Variants in M6PR observed in about 807,000 individuals in gnomAD.
The protein encoded by M6PR is mannose-6-phosphate receptor, cation dependent.
M6PR carries 19 observed loss-of-function variants against 33.1 expected under a neutral mutation model. That is an observed-to-expected ratio of 0.57 (90% CI 0.40 to 0.84). The LOEUF (loss-of-function observed/expected upper bound fraction) is 0.84, where lower values mean the gene tolerates loss of function less well. Among genes scored for constraint, M6PR ranks in the 40% least tolerant of loss-of-function variants. The pLI is 0.00. For missense variants in M6PR, 295 were observed against 336.0 expected (o/e 0.88, Z 0.95); for synonymous variants, 111 against 123.4 (o/e 0.90, Z 0.67).
chr12:8,944,029 C>T lies in M6PR; in HGVS notation c.344-119G>A, dbSNP rs937958007. 4.3e-6 allele frequency: 3 copies of T among 702,630 alleles called. No individual in the cohort carries two copies. The African/African-American group carries it at 5.2e-5, about 12-fold the overall frequency. 43.5% of individuals were successfully genotyped at this position (702,630 alleles called of 1,614,324 possible). ...CAATTGGTTATAACTAAACAACCCTCATCAGTACGAACTTGGTATACCAGA... is the reference window on the plus strand; with the variant it reads ...CAATTGGTTATAACTAAACAACCCTTATCAGTACGAACTTGGTATACCAGA... On this transcript the variant is annotated intron_variant, in intron 3 of 6. Coordinates refer to ENST00000000412, the MANE Select transcript of M6PR (RefSeq NM_002355.4).
In M6PR at chr12:8,946,399, G is replaced by C. The variant is rs763470756; in HGVS notation, c.6C>G (p.Phe2Leu). 1.2e-6 allele frequency: 2 copies of C among 1,613,934 alleles called. No homozygotes were observed. Among genetic ancestry groups the C allele is most frequent in the Non-Finnish European group, 1.7e-6 (2 of 1,179,852 alleles). M[F>L]PFYSCWRTGL... ...CAGTCCTCCAGCAGCTGTAGAAAGG[G>C]AACATCCTTTGGGAGAGAGTGTGTG... Residue 2 changes from phenylalanine (F) to leucine (L), a missense_variant, in exon 2 of 7, where the codon TTC becomes TTG. Transcript: ENST00000000412.
chr12:8,941,963 G>A (rs1249874569), intron 6 of M6PR, 23 bp from the exon 7 acceptor site: 1 of 1,613,452 alleles, frequency 6.2e-7, no homozygotes, highest in South Asian at 1.1e-5. Flanking sequence ...AAAAAAGAAG[G>A]AAATAATTCG....
At position 8,946,240 on chromosome 12, in the gene M6PR, C is replaced by T; in HGVS notation, c.165G>A (p.Leu55=). The change falls in exon 2 of 7, where the codon CTG becomes CTA. Residue 55 remains leucine (L), a synonymous_variant. Coordinates refer to ENST00000000412, the MANE Select transcript of M6PR (RefSeq NM_002355.4). ...TTCTTCTCATTTACCTTTTATTAAA[C>T]AGTGGTTTCAGCCTCTTCACTAGAG... is the stretch of plus-strand genomic sequence containing the variant. The part of the protein sequence containing the change: ...ELALVKRLKP[L]FNKSFESTVG... 6.2e-7 allele frequency: 1 copy of T among 1,613,830 alleles called. No homozygotes were observed. The highest frequency in any genetic ancestry group is 8.5e-7 in the Non-Finnish European group (1 of 1,179,856).
Position 8,943,508 on chromosome 12 carries a change from G to A in M6PR, c.481C>T (p.Arg161Cys), listed in dbSNP as rs1447967934. ...ADNFNPVSEE[R>C]GKVQDCFYLF... ...TAGAAACAATCTTGGACTTTGCCAC[G>A]CTCCTCAGACACAGGGTTAAAATTG... Residue 161 changes from arginine to cysteine, a missense_variant, in exon 5 of 7, where the codon CGT becomes TGT. By Grantham distance (180) the Arg-to-Cys change is radical. Transcript: ENST00000000412. 48 of 1,614,008 alleles carry A rather than the reference G, an allele frequency of 3.0e-5. No individual in the cohort carries two copies. The highest frequency in any genetic ancestry group is 3.9e-5 in the Non-Finnish European group (46 of 1,179,998).
intron 6 of M6PR, 109 bp from the exon 7 acceptor site, chr12:8,942,049 T>A: frequency 4.1e-6 from 5 of 1,223,608 alleles, no homozygotes; most frequent in Non-Finnish European, 5.8e-6. Context: ...TCTATAGGGA[T>A]AATGAGAAAA....
rs1805764 is a variant in M6PR, at chr12:8,942,805, A to C, written c.585-263T>G. ...AAGAATAATCACCATTAAGTATATG[A>C]TTCCATTTCTCTAGAAGTTCTCATA... On this transcript the variant is annotated intron_variant, in intron 5 of 6. Transcript: ENST00000000412. Among the ~76,000 whole-genome samples the C allele has an allele frequency of 1.0e-2, 1,519 of 152,308 alleles. 24 individuals carry two copies. Among genetic ancestry groups the C allele is most frequent in the African/African-American group, 0.034 (1,415 of 41,566 alleles).
Position 8,942,407 on chromosome 12 carries a change from GTTAC to G in M6PR, c.711+5_711+8del, listed in dbSNP as rs1946028799. 6.2e-7 allele frequency: 1 copy of G among 1,614,142 alleles called. No homozygotes were observed. The highest frequency in any genetic ancestry group is 8.5e-7 in the Non-Finnish European group (1 of 1,180,012). On this transcript the variant is annotated splice_donor_5th_base_variant and intron_variant, in intron 6 of 6. Coordinates refer to ENST00000000412, the MANE Select transcript of M6PR (RefSeq NM_002355.4). ...GGCTACAAATTCAACCAGCTGCCCT[GTTAC>G]TTACTGCTACCAGGTTGCCAAGATC... is the stretch of plus-strand genomic sequence containing the variant.
chr12:8,943,317 C>T (rs111761709), intron 5 of M6PR, 88 bp downstream of exon 5: 10 of 1,384,518 alleles, frequency 7.2e-6, no homozygotes, highest in African/African-American at 1.5e-5. Flanking sequence ...TGTACACATA[C>T]AATTTGTGCT....
At chr12:8,942,253 A>T in intron 6 of M6PR, 163 bp downstream of exon 6, 1 of 876,124 alleles carries the variant, frequency 1.1e-6, no homozygotes, top group Non-Finnish European at 1.7e-6. Context: ...TGTGCCACTT[A>T]CTACTCTGTA....
In M6PR at chr12:8,941,495, C is replaced by T. The variant is rs902406530; in HGVS notation, c.*323G>A. On this transcript the variant is annotated 3_prime_UTR_variant, in exon 7 of 7. Transcript: ENST00000000412. ...TGTGAAAATGTGTTTAAAAAACAAA[C>T]GGCCAGTGAGCCTGCTACACCATTT... 6 of 218,376 alleles carry T rather than the reference C, an allele frequency of 2.7e-5. No homozygotes were observed. Among genetic ancestry groups the T allele is most frequent in the Non-Finnish European group, 4.5e-5 (5 of 110,832 alleles). 13.5% of individuals were successfully genotyped at this position (218,376 alleles called of 1,614,324 possible).
At chr12:8,946,531 C>T (rs1946097413) in intron 1 of M6PR, 126 bp from the exon 2 acceptor site, 2 of 687,860 alleles carry the variant, frequency 2.9e-6, no homozygotes, top group South Asian at 2.0e-5. Flanking sequence ...GATTCTCTGG[C>T]ATATGCAACA....
At position 8,941,934 on chromosome 12, in the gene M6PR, A is replaced by T. The variant is rs1162187905; in HGVS notation, c.718T>A (p.Cys240Ser). ...QDLGNLVADG[C>S]DFVCRSKPRN... Reference sequence around the variant, plus strand: ...GGTTTAGAACGGCAGACAAAGTCACAGCCATCCTGTAGGGGGAAAAAAAAG... The same window carrying T: ...GGTTTAGAACGGCAGACAAAGTCACTGCCATCCTGTAGGGGGAAAAAAAAG... The change falls in exon 7 of 7, where the codon TGT (cysteine) becomes AGT (serine). Residue 240 changes from cysteine (C) to serine (S), a missense_variant. Coordinates refer to ENST00000000412, the MANE Select transcript of M6PR (RefSeq NM_002355.4). 11 of 1,614,210 alleles carry T rather than the reference A, an allele frequency of 6.8e-6. No homozygotes were observed. The highest frequency in any genetic ancestry group is 9.3e-6 in the Non-Finnish European group (11 of 1,180,008).
At chr12:8,948,887 A>G (rs1946146925) in intron 1 of M6PR, among the ~76,000 whole-genome samples, 1 of 152,182 alleles carries the variant, frequency 6.6e-6, no homozygotes. Context: ...AGCAGCCTAC[A>G]TGTTTAGAAA....
rs1211640059 is a variant in M6PR at position 8,941,809 on chromosome 12, A to T, written c.*9T>A. 1 of 1,614,072 alleles carries T rather than the reference A, an allele frequency of 6.2e-7. No homozygotes were observed. The highest frequency in any genetic ancestry group is 1.1e-5 in the South Asian group (1 of 91,070). ...GACTGAGGAAGAGGCTGGACATATA[A>T]AGTGCAATCTACATTGGTAATAAAT... On this transcript the variant is annotated 3_prime_UTR_variant, in exon 7 of 7. Coordinates refer to ENST00000000412, the MANE Select transcript of M6PR (RefSeq NM_002355.4).
In M6PR at chr12:8,944,019, AAAC is replaced by A. The variant is rs1464356203; in HGVS notation, c.344-112_344-110del. 3.8e-5 allele frequency: 28 copies of A among 745,992 alleles called. No individual in the cohort carries two copies. The African/African-American group carries it at 4.1e-4, about 11-fold the overall frequency. The allele number at this position is 745,992 out of a possible 1,614,324, so 46.2% of individuals were successfully genotyped here. ...TAATTCATTGCAATTGGTTATAACT[AAAC>A]AACCCTCATCAGTACGAACTTGGTA... is the stretch of plus-strand genomic sequence containing the variant. On this transcript the variant is annotated intron_variant, in intron 3 of 6. Coordinates refer to ENST00000000412, the MANE Select transcript of M6PR (RefSeq NM_002355.4).
chr12:8,943,218 C>G, intron 5 of M6PR, 187 bp downstream of exon 5: 4 of 712,426 alleles, frequency 5.6e-6, no homozygotes, highest in Non-Finnish European at 8.8e-6. Context: ...TCCCAAAGTG[C>G]TGGGATTACA....
intron 4 of M6PR, 28 bp from the exon 5 acceptor site, chr12:8,943,563 AGGT>A (rs1465296669): frequency 1.2e-5 from 20 of 1,613,938 alleles, no homozygotes; most frequent in Non-Finnish European, 1.6e-5. Flanking sequence ...TAACACATTC[AGGT>A]GGTTAAGTGT....
At chr12:8,942,380 C>T (rs1293683338) in intron 6 of M6PR, 36 bp downstream of exon 6, 2 of 1,613,978 alleles carry the variant, frequency 1.2e-6, no homozygotes, top group South Asian at 2.2e-5. Context: ...ACCTTGTTTG[C>T]AGGCTACAAA....
At chr12:8,945,305 C>A (rs1946077714) in intron 3 of M6PR, 113 bp downstream of exon 3, 2 of 1,107,030 alleles carry the variant, frequency 1.8e-6, no homozygotes, top group East Asian at 2.4e-5. Context: ...GTGTGCCGAA[C>A]CACACGTATG....
Sources: gnomAD v4.1 joint callset for allele counts (sites outside exome capture counted in the v4.1 genomes callset) on GRCh38, gnomAD v4.1.1 for gene constraint, MANE v1.5 for transcripts, NCBI Gene and HGNC (gene_info 2026-07-23, HGNC 2026-07-21) for gene names.